LRRC8D: variants seen among roughly 807,000 people sequenced by gnomAD.
The protein encoded by LRRC8D is leucine rich repeat containing 8 VRAC subunit D.
LRRC8D carries 20 observed loss-of-function variants against 55.8 expected under a neutral mutation model. The ratio of observed to expected loss-of-function variants is 0.36; its 90% CI spans 0.25 to 0.52. The LOEUF is 0.52. LRRC8D is among the 20% of genes least tolerant of loss of function. LRRC8D has a pLI of 0.93. For synonymous variants in LRRC8D, 352 were observed against 377.0 expected (o/e 0.93, Z 0.77); for missense variants, 651 against 1,030.8 (o/e 0.63, Z 5.05).
At chr1:89,895,775 T>C (rs957993300) in intron 2 of LRRC8D, among the ~76,000 whole-genome samples, 1 of 152,222 alleles carries the variant, frequency 6.6e-6, no homozygotes, top group Non-Finnish European at 1.5e-5. Flanking sequence ...TTCATGATTT[T>C]AGTAATCTCT....
chr1:89,843,157 C>G (rs531595747), intron 1 of LRRC8D: 1 of 152,736 alleles, frequency 6.5e-6, no homozygotes, highest in African/African-American at 2.4e-5. Flanking sequence ...TAAAAATTTG[C>G]ATAAATCCAG....
chr1:89,862,386 A>G (rs943259829), intron 2 of LRRC8D, among the ~76,000 whole-genome samples: 1 of 152,144 alleles, frequency 6.6e-6, no homozygotes. Context: ...ACTGCTTACT[A>G]AGTTGTTAAT....
At chr1:89,864,400 G>A (rs1460782188) in intron 2 of LRRC8D, among the ~76,000 whole-genome samples, 2 of 152,168 alleles carry the variant, frequency 1.3e-5, no homozygotes, top group African/African-American at 4.8e-5. Flanking sequence ...TCCTTCATCT[G>A]ATGAAAGACA....
chr1:89,861,018 C>A (rs553077806), intron 2 of LRRC8D, among the ~76,000 whole-genome samples: 1 of 151,846 alleles, frequency 6.6e-6, no homozygotes. Flanking sequence ...AACTTCAAAG[C>A]CATGCAGAGC....
chr1:89,839,635 G>C (rs1182329724), intron 1 of LRRC8D, among the ~76,000 whole-genome samples: 1 of 152,180 alleles, frequency 6.6e-6, no homozygotes, highest in Non-Finnish European at 1.5e-5. Flanking sequence ...TTCCTTGAAA[G>C]CCATGGTTCA....
chr1:89,915,038 G>GTC (rs1557481925), intron 2 of LRRC8D, among the ~76,000 whole-genome samples: 3 of 151,722 alleles, frequency 2.0e-5, no homozygotes, highest in African/African-American at 7.3e-5. Context: ...GTGTGTGTGT[G>GTC]TGTGTGTGGT....
In LRRC8D at chr1:89,911,735, G is replaced by C. The variant is rs1433630060; in HGVS notation, c.-2-21332G>C. 6.6e-6 allele frequency among the ~76,000 whole-genome samples: 1 copy of C among 152,178 alleles called. No homozygotes were observed. The highest frequency in any genetic ancestry group is 1.5e-5 in the Non-Finnish European group (1 of 68,038). On this transcript the variant is annotated intron_variant, in intron 2 of 2. Coordinates refer to ENST00000337338, the MANE Select transcript of LRRC8D (RefSeq NM_001134479.2). This position sits in a 1 kb window ranked among gnomAD's most constrained non-coding sequence, Gnocchi z 4.0. ...TCACCGAAAGTGCTCAGGCCAAAGT[G>C]TCAGGTGACTCTCAGCTGCCAGATC...
chr1:89,924,671 G>A (rs1029759209), intron 2 of LRRC8D, among the ~76,000 whole-genome samples: 13 of 152,046 alleles, frequency 8.6e-5, no homozygotes, highest in African/African-American at 2.2e-4. Context: ...CAAGATGCCC[G>A]TTGACAGTGG....
chr1:89,865,814 A>G (rs1247495215), intron 2 of LRRC8D, among the ~76,000 whole-genome samples: 2 of 152,216 alleles, frequency 1.3e-5, no homozygotes, highest in South Asian at 2.1e-4. Context: ...CCAAATATAT[A>G]TCTAATTCAA....
chr1:89,826,382 A>G (rs1660762371), intron 1 of LRRC8D, among the ~76,000 whole-genome samples: 1 of 151,918 alleles, frequency 6.6e-6, no homozygotes. Flanking sequence ...CTCCTGCCTC[A>G]GCCTCCCGAG....
rs1021742649 is a variant in LRRC8D, at chr1:89,911,311, T to C, written c.-2-21756T>C. Among the ~76,000 whole-genome samples, 5 of 152,320 alleles carry C rather than the reference T, an allele frequency of 3.3e-5. No homozygotes were observed. The highest frequency in any genetic ancestry group is 1.2e-4 in the African/African-American group (5 of 41,572). ...TATGGTGGTTAGCAAGATTAATGTT[T>C]ACCAGTTTGCTGAAGGGAAAATCAA... is the stretch of plus-strand genomic sequence containing the variant. On this transcript the variant is annotated intron_variant, in intron 2 of 2. Coordinates refer to ENST00000337338, the MANE Select transcript of LRRC8D (RefSeq NM_001134479.2). This position sits in a 1 kb window ranked among gnomAD's most constrained non-coding sequence, Gnocchi z 4.0.
At chr1:89,889,444 T>C (rs1225377297) in intron 2 of LRRC8D, among the ~76,000 whole-genome samples, 2 of 152,098 alleles carry the variant, frequency 1.3e-5, no homozygotes, top group Non-Finnish European at 2.9e-5. Context: ...GTGTGGGCTT[T>C]AGTGGATAAT....
intron 2 of LRRC8D, among the ~76,000 whole-genome samples, chr1:89,894,884 G>A (rs568235648): frequency 3.9e-5 from 6 of 152,208 alleles, no homozygotes; most frequent in South Asian, 2.1e-4. Flanking sequence ...TGTCAAGTTC[G>A]GAGACAGCCA....
intron 1 of LRRC8D, among the ~76,000 whole-genome samples, chr1:89,822,581 A>G (rs757294099): frequency 5.3e-5 from 8 of 152,162 alleles, no homozygotes; most frequent in Non-Finnish European, 7.3e-5. Context: ...CGTGGTTTGT[A>G]CCGGACTTTG....
chr1:89,837,327 G>A (rs927672038), intron 1 of LRRC8D, among the ~76,000 whole-genome samples: 1 of 152,158 alleles, frequency 6.6e-6, no homozygotes, highest in African/African-American at 2.4e-5. Flanking sequence ...CCCTAGACAA[G>A]TGGTTACATT....
chr1:89,832,626 T>C (rs913334524), intron 1 of LRRC8D, among the ~76,000 whole-genome samples: 3 of 152,208 alleles, frequency 2.0e-5, no homozygotes, highest in East Asian at 1.9e-4. Context: ...TTTCTTGCAC[T>C]GTTGGGAAGA....
At chr1:89,885,615 A>G (rs1370560057) in intron 2 of LRRC8D, among the ~76,000 whole-genome samples, 1 of 152,236 alleles carries the variant, frequency 6.6e-6, no homozygotes, top group Non-Finnish European at 1.5e-5. Context: ...GGCAATAGTA[A>G]GTTTCCTATA....
At chr1:89,848,369 T>A (rs965950059) in intron 2 of LRRC8D, among the ~76,000 whole-genome samples, 4 of 152,118 alleles carry the variant, frequency 2.6e-5, no homozygotes, top group Non-Finnish European at 5.9e-5. Flanking sequence ...ATCTTAACCT[T>A]TACAATTTGT....
intron 1 of LRRC8D, among the ~76,000 whole-genome samples, chr1:89,839,846 C>T (rs1245705121): frequency 1.3e-5 from 2 of 152,192 alleles, no homozygotes; most frequent in Non-Finnish European, 1.5e-5. Context: ...GTAATAATCA[C>T]CAGGACTCCT....
Sources: gnomAD v4.1 joint callset for allele counts (sites outside exome capture counted in the v4.1 genomes callset) on GRCh38, gnomAD v4.1.1 for gene constraint, Gnocchi (gnomAD v3.1) non-coding constraint, MANE v1.5 for transcripts, NCBI Gene and HGNC (gene_info 2026-07-23, HGNC 2026-07-21) for gene names.